Variants in HCN1 observed in about 807,000 individuals in gnomAD.
HCN1 encodes potassium/sodium hyperpolarization-activated cyclic nucleotide-gated channel 1.
Under a neutral mutation model 78.9 loss-of-function variants are expected in HCN1, and 13 were observed. That is an observed-to-expected ratio of 0.16 (90% CI 0.11 to 0.26). The LOEUF (loss-of-function observed/expected upper bound fraction) is 0.26, where lower values mean the gene tolerates loss of function less well. HCN1 is among the 10% of genes least tolerant of loss of function. The pLI is 1.00. For missense variants in HCN1, 810 were observed against 1,154.3 expected (o/e 0.70, Z 4.32); for synonymous variants, 552 against 455.5 (o/e 1.21, Z -2.70).
At chr5:45,347,718 G>A (rs1270087522) in intron 5 of HCN1, among the ~76,000 whole-genome samples, 3 of 152,162 alleles carry the variant, frequency 2.0e-5, no homozygotes, top group African/African-American at 7.2e-5. Context: ...CGTGAAGAAT[G>A]CAGAAGCCTC....
At chr5:45,570,810 G>T (rs1743812128) in intron 2 of HCN1, among the ~76,000 whole-genome samples, 1 of 152,064 alleles carries the variant, frequency 6.6e-6, no homozygotes, top group Non-Finnish European at 1.5e-5. Context: ...TCTAGAATTA[G>T]ATGTTTCTGA....
chr5:45,595,486 T>G (rs1388379275), intron 2 of HCN1, among the ~76,000 whole-genome samples: 1 of 152,118 alleles, frequency 6.6e-6, no homozygotes, highest in Non-Finnish European at 1.5e-5. Flanking sequence ...TACAGGTGCA[T>G]GCCACCACAT....
intron 2 of HCN1, among the ~76,000 whole-genome samples, chr5:45,610,857 T>C (rs1744818655): frequency 2.0e-5 from 3 of 152,010 alleles, no homozygotes; most frequent in Admixed American, 2.0e-4. Flanking sequence ...TTAGAATAGT[T>C]GGAAAATTCC....
In HCN1 at chr5:45,351,904, T is replaced by C. The variant is rs186380725; in HGVS notation, c.1377+1196A>G. Among the ~76,000 whole-genome samples the C allele has an allele frequency of 5.0e-3, 765 of 152,082 alleles. 4 individuals are homozygous for C. Among genetic ancestry groups the C allele is most frequent in the African/African-American group, 0.018 (735 of 41,450 alleles). On this transcript the variant is annotated intron_variant, in intron 5 of 7. Transcript: ENST00000303230. ...AGGTACTGGAGAGGATGTGGAGAAATAGGAACACTTTTACACTGTTGGCGG... is the reference window on the plus strand; with the variant it reads ...AGGTACTGGAGAGGATGTGGAGAAACAGGAACACTTTTACACTGTTGGCGG...
chr5:45,367,133 T>G (rs1299986092), intron 4 of HCN1, among the ~76,000 whole-genome samples: 1 of 151,756 alleles, frequency 6.6e-6, no homozygotes, highest in Non-Finnish European at 1.5e-5. Context: ...TGCAAAGTGT[T>G]GCACAGCAGA....
intron 2 of HCN1, among the ~76,000 whole-genome samples, chr5:45,494,371 T>C (rs1269904266): frequency 6.6e-6 from 1 of 152,226 alleles, no homozygotes. Context: ...GCATTTTTCA[T>C]GTGTTTTTTG....
intron 2 of HCN1, among the ~76,000 whole-genome samples, chr5:45,638,281 C>A (rs1745392844): frequency 6.6e-6 from 1 of 152,014 alleles, no homozygotes. Flanking sequence ...GACATTGAGG[C>A]AACTGGGTAT....
intron 4 of HCN1, among the ~76,000 whole-genome samples, chr5:45,353,491 T>A (rs79491080): frequency 6.6e-6 from 1 of 151,878 alleles, no homozygotes; most frequent in Non-Finnish European, 1.5e-5. Context: ...AGAGGAGGCA[T>A]GAAGGGAGTT....
intron 2 of HCN1, among the ~76,000 whole-genome samples, chr5:45,467,608 G>T (rs1741300495): frequency 6.6e-6 from 1 of 151,896 alleles, no homozygotes; most frequent in Admixed American, 6.6e-5. Flanking sequence ...TTTTTTAAAG[G>T]ATAGCAACCT....
intron 6 of HCN1, among the ~76,000 whole-genome samples, chr5:45,270,371 G>A (rs751707342): frequency 6.6e-6 from 1 of 152,142 alleles, no homozygotes; most frequent in Non-Finnish European, 1.5e-5. Flanking sequence ...TCGGAATAAG[G>A]TAACTACTGT....
At chr5:45,646,703 C>G (rs1167677184) in intron 1 of HCN1, among the ~76,000 whole-genome samples, 1 of 152,064 alleles carries the variant, frequency 6.6e-6, no homozygotes, top group Non-Finnish European at 1.5e-5. Context: ...CTTGACATAA[C>G]TATAGTGTTA....
At chr5:45,357,042 T>TC (rs1747018293) in intron 4 of HCN1, among the ~76,000 whole-genome samples, 1 of 152,040 alleles carries the variant, frequency 6.6e-6, no homozygotes, top group East Asian at 1.9e-4. Flanking sequence ...TTATTTTTTT[T>TC]CTAGCCTCCT....
At chr5:45,444,116 T>C (rs752799579) in intron 3 of HCN1, among the ~76,000 whole-genome samples, 10 of 152,182 alleles carry the variant, frequency 6.6e-5, no homozygotes, top group Admixed American at 3.9e-4. Context: ...AATTTCATCC[T>C]TTCTGCTACA....
At chr5:45,363,166 ATATC>A in intron 4 of HCN1, among the ~76,000 whole-genome samples, 1 of 139,260 alleles carries the variant, frequency 7.2e-6, no homozygotes, top group Middle Eastern at 3.7e-3. Context: ...ATATATATAT[ATATC>A]TGAATAGTAC....
intron 5 of HCN1, among the ~76,000 whole-genome samples, chr5:45,338,400 A>C (rs1174662805): frequency 6.6e-6 from 1 of 152,180 alleles, no homozygotes; most frequent in Non-Finnish European, 1.5e-5. Context: ...AAATCATACT[A>C]TAAGATAACA....
chr5:45,399,802 T>C (rs1022570336), intron 3 of HCN1, among the ~76,000 whole-genome samples: 1 of 152,178 alleles, frequency 6.6e-6, no homozygotes, highest in Non-Finnish European at 1.5e-5. Context: ...ATAAAAGTCC[T>C]GCTCATATTA....
intron 4 of HCN1, among the ~76,000 whole-genome samples, chr5:45,377,165 C>T (rs747084521): frequency 7.2e-5 from 11 of 151,864 alleles, no homozygotes; most frequent in African/African-American, 1.2e-4. Flanking sequence ...CAATAATAAA[C>T]GTAAGCCTTG....
Position 45,645,405 on chromosome 5 carries a change from G to A in HCN1, c.629C>T (p.Pro210Leu), listed in dbSNP as rs1745530457. Residue 210 changes from proline (P) to leucine (L), a missense_variant, in exon 2 of 8, where the codon CCC becomes CTC. Around this residue, in one of 6 missense-constraint regions of HCN1, gnomAD observed 104 missense variants for 402.8 expected, o/e 0.26. Coordinates refer to ENST00000303230, the MANE Select transcript of HCN1 (RefSeq NM_021072.4). Reference sequence around the variant, plus strand: ...TAAATAATTCATCTTGATCACTTTGGGGTCCAGGATGATTTCAGAACTGTC... The same window carrying A: ...TAAATAATTCATCTTGATCACTTTGAGGTCCAGGATGATTTCAGAACTGTC... Reference protein sequence around the residue: ...NEDSSEIILDPKVIKMNYLKS... With the variant: ...NEDSSEIILDLKVIKMNYLKS... 2 of 1,613,410 alleles carry A rather than the reference G, an allele frequency of 1.2e-6. No individual in the cohort carries two copies. Among genetic ancestry groups the A allele is most frequent in the Non-Finnish European group, 1.7e-6 (2 of 1,179,752 alleles).
intron 1 of HCN1, among the ~76,000 whole-genome samples, chr5:45,690,006 A>G (rs1739876479): frequency 2.0e-5 from 3 of 152,128 alleles, no homozygotes; most frequent in Admixed American, 6.6e-5. Context: ...TAGAATCTCT[A>G]GAATGTTCAT....
Sources: gnomAD v4.1 joint callset for allele counts (sites outside exome capture counted in the v4.1 genomes callset) on GRCh38, gnomAD v4.1.1 for gene constraint, gnomAD v4.1.1 regional missense constraint, MANE v1.5 for transcripts, NCBI Gene and HGNC (gene_info 2026-07-23, HGNC 2026-07-21) for gene names.